The following PREX2 variants were observed in gnomAD, a reference collection of about 807,000 sequenced individuals.
The protein encoded by PREX2 is phosphatidylinositol 3,4,5-trisphosphate-dependent Rac exchanger 2 protein.
A neutral mutation model predicts 203.2 loss-of-function variants in PREX2; 107 were observed. That is an observed-to-expected ratio of 0.53 (90% confidence interval 0.45 to 0.62). The LOEUF is 0.62. Among genes scored for constraint, PREX2 ranks in the 20% least tolerant of loss-of-function variants. PREX2 has a pLI of 0.00. For missense variants in PREX2, 1,777 were observed against 1,955.9 expected, an observed-to-expected ratio of 0.91 and a Z score of 1.72; for synonymous variants, 672 against 663.6, an observed-to-expected ratio of 1.01 and a Z score of -0.19.
chr8:68,116,338 G>T (rs1236795878), intron 26 of PREX2, among the ~76,000 whole-genome samples: 1 of 151,984 alleles, frequency 6.6e-6, no homozygotes, highest in Non-Finnish European at 1.5e-5. Flanking sequence ...TCTTTTCATT[G>T]TCTATGTTCC....
chr8:68,200,376 A>G (rs1423425611), intron 37 of PREX2, among the ~76,000 whole-genome samples: 1 of 152,152 alleles, frequency 6.6e-6, no homozygotes, highest in Non-Finnish European at 1.5e-5. Context: ...TTCATTATAA[A>G]TAAGTACAGA....
intron 37 of PREX2, chr8:68,192,770 A>G (rs1812323946): frequency 2.6e-6 from 1 of 388,316 alleles, no homozygotes; most frequent in Admixed American, 4.2e-5. Flanking sequence ...AGTTGCATTT[A>G]TATTAACATA....
In PREX2 at chr8:68,191,759, T is replaced by A. The variant is rs574365130; in HGVS notation, c.4384T>A (p.Ser1462Thr). The change falls in exon 36 of 40, where the codon TCC (serine) becomes ACC (threonine). Residue 1462 changes from serine (S) to threonine (T), a missense_variant. Coordinates refer to ENST00000288368, the MANE Select transcript of PREX2 (RefSeq NM_024870.4). ...YLDKSNSPPN[S>T]TSKAAYVDKL... ...GGACAAGTCAAATTCACCACCAAAC[T>A]CCACATCCAAAGCTGCCTATGTAGA... The A allele has an allele frequency of 6.2e-7, 1 of 1,610,616 alleles. No homozygotes were observed. The highest frequency in any genetic ancestry group is 1.1e-5 in the South Asian group (1 of 90,918).
At chr8:68,057,403 G>A (rs1808713097) in intron 10 of PREX2, among the ~76,000 whole-genome samples, 1 of 152,138 alleles carries the variant, frequency 6.6e-6, no homozygotes, top group Non-Finnish European at 1.5e-5. Context: ...CTTTACAGCA[G>A]TATGAAAAAG....
At chr8:67,952,636 C>G (rs776167489) in intron 1 of PREX2, 101 bp downstream of exon 1, 28 of 1,490,446 alleles carry the variant, frequency 1.9e-5, no homozygotes, top group Non-Finnish European at 2.5e-5. Context: ...GTGCGGGGAC[C>G]CGGGACGGGT....
chr8:68,031,105 C>G (rs895424506), intron 6 of PREX2, among the ~76,000 whole-genome samples: 4 of 152,230 alleles, frequency 2.6e-5, no homozygotes, highest in African/African-American at 7.2e-5. Flanking sequence ...ACTGAAGGAA[C>G]TGGCTATGAT....
intron 19 of PREX2, among the ~76,000 whole-genome samples, 182 bp downstream of exon 19, chr8:68,087,991 T>A (rs531004032): frequency 7.9e-4 from 121 of 152,328 alleles, no homozygotes; most frequent in African/African-American, 2.8e-3. Context: ...TTCTAAGCCA[T>A]ATTTATCATT....
At chr8:68,120,873 G>T in intron 29 of PREX2, 48 bp from the exon 30 acceptor site, 1 of 1,567,498 alleles carries the variant, frequency 6.4e-7, no homozygotes, top group Non-Finnish European at 8.7e-7. Context: ...AGGCTTCATT[G>T]TTTAGGAATT....
intron 33 of PREX2, among the ~76,000 whole-genome samples, chr8:68,140,961 T>C (rs1811218178): frequency 6.6e-6 from 1 of 152,166 alleles, no homozygotes; most frequent in Non-Finnish European, 1.5e-5. Flanking sequence ...TAAAGACAGT[T>C]CATTTTCATT....
At chr8:68,013,034 G>T (rs571136068) in intron 1 of PREX2, among the ~76,000 whole-genome samples, 1 of 152,142 alleles carries the variant, frequency 6.6e-6, no homozygotes, top group Non-Finnish European at 1.5e-5. Flanking sequence ...CAGTCTGGTG[G>T]TCTTCATAAA....
chr8:67,975,694 CTTTTTTTTTTTTTTTT>C (rs67614434), intron 1 of PREX2, among the ~76,000 whole-genome samples: 5 of 74,990 alleles, frequency 6.7e-5, no homozygotes, highest in East Asian at 4.1e-4. Context: ...ATTTCTCTTT[CTTTTTTTTTTTTTTTT>C]TTTTTTTTTT....
At chr8:68,199,120 G>A (rs1401239499) in intron 37 of PREX2, among the ~76,000 whole-genome samples, 2 of 147,986 alleles carry the variant, frequency 1.4e-5, no homozygotes, top group African/African-American at 5.1e-5. Context: ...CATCAAGAAG[G>A]CCTTGCTGCA....
chr8:68,047,325 G>A (rs149100681), intron 8 of PREX2, among the ~76,000 whole-genome samples: 243 of 151,570 alleles, frequency 1.6e-3, no homozygotes, highest in African/African-American at 5.6e-3. Context: ...GCTGATTAAT[G>A]TCCCTATGCC....
chr8:68,053,288 C>T lies in PREX2; in HGVS notation c.1093+42C>T, dbSNP rs747910909. The T allele has an allele frequency of 5.6e-6, 9 of 1,597,826 alleles. No individual in the cohort carries two copies. The African/African-American group carries it at 6.7e-5, about 12-fold the overall frequency. On this transcript the variant is annotated intron_variant, in intron 9 of 39. Coordinates refer to ENST00000288368, the MANE Select transcript of PREX2 (RefSeq NM_024870.4). ...GGCGCTGTTACACTTTGTGAAGACT[C>T]TAACTTAGCATAGGAGCAGATAATG...
At chr8:67,999,798 G>C (rs1228252141) in intron 1 of PREX2, among the ~76,000 whole-genome samples, 1 of 152,188 alleles carries the variant, frequency 6.6e-6, no homozygotes, top group African/African-American at 2.4e-5. Context: ...TAGGATGCAA[G>C]GTTGGTTCAA....
At chr8:68,079,310 G>A (rs1809443353) in intron 15 of PREX2, among the ~76,000 whole-genome samples, 2 of 152,202 alleles carry the variant, frequency 1.3e-5, no homozygotes, top group African/African-American at 4.8e-5. Context: ...CATTCATCCA[G>A]TCAACAATTA....
At chr8:68,146,178 G>T in intron 33 of PREX2, 31 bp from the exon 34 acceptor site, 1 of 1,496,040 alleles carries the variant, frequency 6.7e-7, no homozygotes, top group Non-Finnish European at 9.2e-7. Flanking sequence ...CCTTATTTTA[G>T]GAAGTAATAT....
At chr8:68,228,967 A>AAT (rs375165700) in intron 39 of PREX2, among the ~76,000 whole-genome samples, 9 of 92,208 alleles carry the variant, frequency 9.8e-5, no homozygotes, top group African/African-American at 1.3e-4. Flanking sequence ...AAAAAAAAAA[A>AAT]GAAAGAAAAA....
intron 38 of PREX2, among the ~76,000 whole-genome samples, chr8:68,224,190 T>C (rs984509666): frequency 6.6e-6 from 1 of 152,024 alleles, no homozygotes; most frequent in African/African-American, 2.4e-5. Flanking sequence ...GGCTAATTTT[T>C]CTATTTTTTG....
Sources: allele counts gnomAD v4.1 joint callset (sites outside exome capture counted in the v4.1 genomes callset), GRCh38; gene constraint gnomAD v4.1.1; transcripts MANE v1.5; gene names NCBI Gene and HGNC (gene_info 2026-07-23, HGNC 2026-07-21).